The following MBTD1 variants were observed in gnomAD, a reference collection of about 807,000 sequenced individuals.
The protein encoded by MBTD1 is MBT domain-containing protein 1.
In MBTD1, 24 loss-of-function variants were observed where a neutral mutation model predicts 87.8. The observed-to-expected ratio is 0.27, with a 90% CI of 0.20 to 0.38. The LOEUF (loss-of-function observed/expected upper bound fraction) is 0.38. Among genes scored for constraint, MBTD1 ranks in the 10% least tolerant of loss-of-function variants. The pLI is 1.00. For missense variants in MBTD1, 436 were observed against 760.2 expected, an observed-to-expected ratio of 0.57 and a Z score of 5.02; for synonymous variants, 237 against 248.6, an observed-to-expected ratio of 0.95 and a Z score of 0.44.
intron 2 of MBTD1, chr17:51,251,860 G>C (rs1029212708): frequency 3.9e-5 from 6 of 152,278 alleles, no homozygotes; most frequent in African/African-American, 1.4e-4. Flanking sequence ...CTGCCTCCCA[G>C]GTTCAAGCGA....
chr17:51,250,208 G>A (rs1349204240), intron 2 of MBTD1: 1 of 151,746 alleles, frequency 6.6e-6, no homozygotes, highest in East Asian at 1.9e-4. Flanking sequence ...CATGGCCTTA[G>A]TTTTTCCTTT....
chr17:51,236,729 G>A (rs2053861129), intron 2 of MBTD1, among the ~76,000 whole-genome samples: 1 of 151,142 alleles, frequency 6.6e-6, no homozygotes. Context: ...AGATATATAC[G>A]GTCAATTGAT....
At chr17:51,222,515 C>T (rs967625305) in intron 3 of MBTD1, among the ~76,000 whole-genome samples, 3 of 152,128 alleles carry the variant, frequency 2.0e-5, no homozygotes, top group East Asian at 1.9e-4. Context: ...AGCAATTCTC[C>T]TGCCTCAGCC....
intron 16 of MBTD1, among the ~76,000 whole-genome samples, chr17:51,186,691 G>C (rs1019962985): frequency 2.0e-5 from 3 of 151,818 alleles, no homozygotes; most frequent in Non-Finnish European, 2.9e-5. Context: ...GGAGAATGGC[G>C]TGAACCTGGG....
Position 51,219,093 on chromosome 17 carries a change from C to T in MBTD1, c.289-49G>A, listed in dbSNP as rs975505471. 16 of 940,042 alleles carry T rather than the reference C, an allele frequency of 1.7e-5. No homozygotes were observed. In the African/African-American group the frequency reaches 2.6e-4, roughly 15 times the overall value. 58.2% of individuals were successfully genotyped at this position (940,042 alleles called of 1,614,324 possible). ...ATAGGATTCTTTTTCATCCCCTCACCACCACAATTTAACTGGACTGCATAC... is the reference window on the plus strand; with the variant it reads ...ATAGGATTCTTTTTCATCCCCTCACTACCACAATTTAACTGGACTGCATAC... On this transcript the variant is annotated intron_variant, in intron 4 of 16. Transcript: ENST00000586178.
intron 12 of MBTD1, among the ~76,000 whole-genome samples, chr17:51,199,580 T>A (rs1373837031): frequency 6.6e-6 from 1 of 151,704 alleles, no homozygotes; most frequent in Non-Finnish European, 1.5e-5. Flanking sequence ...TAGCTGGGAC[T>A]ACAGGCACCC....
intron 6 of MBTD1, among the ~76,000 whole-genome samples, chr17:51,215,109 G>T (rs1300589907): frequency 6.6e-6 from 1 of 152,186 alleles, no homozygotes; most frequent in African/African-American, 2.4e-5. Flanking sequence ...TGATAAGAAG[G>T]CAGTAAAGAG....
At chr17:51,182,525 A>C (rs1029390048) in intron 16 of MBTD1, among the ~76,000 whole-genome samples, 1 of 152,204 alleles carries the variant, frequency 6.6e-6, no homozygotes, top group African/African-American at 2.4e-5. Flanking sequence ...TGGAAACATA[A>C]GCGCAGCATC....
intron 2 of MBTD1, among the ~76,000 whole-genome samples, chr17:51,245,189 T>C (rs1474400334): frequency 6.6e-6 from 1 of 152,216 alleles, no homozygotes; most frequent in African/African-American, 2.4e-5. Flanking sequence ...CATGAGCCAC[T>C]GTGCCCGGCC....
intron 16 of MBTD1, among the ~76,000 whole-genome samples, chr17:51,181,369 T>C (rs2050306516): frequency 6.6e-6 from 1 of 152,070 alleles, no homozygotes; most frequent in South Asian, 2.1e-4. Context: ...GAAAAAGATA[T>C]AAATCTGATG....
At chr17:51,249,226 C>G (rs528986122) in intron 2 of MBTD1, among the ~76,000 whole-genome samples, 1 of 151,980 alleles carries the variant, frequency 6.6e-6, no homozygotes, top group Non-Finnish European at 1.5e-5. Context: ...TGCCACTGTA[C>G]TGCAGCCTGG....
At position 51,192,196 on chromosome 17, in the gene MBTD1, G is replaced by T; in HGVS notation, c.1768+7C>A. ...AAAATGTATGTGAACACCACGTGGT[G>T]ACCCACTTTTCTTATGTCCTTTGTA... On this transcript the variant is annotated splice_region_variant and intron_variant, in intron 16 of 16. Transcript: ENST00000586178. The T allele has an allele frequency of 1.9e-6, 3 of 1,545,192 alleles. No individual in the cohort carries two copies. Among genetic ancestry groups the T allele is most frequent in the South Asian group, 1.2e-5 (1 of 83,794 alleles).
chr17:51,237,277 T>C (rs989319581), intron 2 of MBTD1, among the ~76,000 whole-genome samples: 2 of 128,622 alleles, frequency 1.6e-5, no homozygotes, highest in Admixed American at 9.0e-5. Flanking sequence ...GCCTGGGTGA[T>C]GGTGTGAGAC....
intron 6 of MBTD1, among the ~76,000 whole-genome samples, chr17:51,208,776 T>C (rs1054336486): frequency 3.5e-4 from 53 of 152,360 alleles, no homozygotes; most frequent in African/African-American, 1.2e-3. Context: ...TTGAGCTAAA[T>C]GTGTCATAGA....
chr17:51,256,400 C>T (rs889311091), intron 2 of MBTD1: 17 of 152,194 alleles, frequency 1.1e-4, no homozygotes, highest in African/African-American at 3.6e-4. Context: ...AAAGTGAGAA[C>T]TCGAAGGGAC....
intron 2 of MBTD1, among the ~76,000 whole-genome samples, chr17:51,235,724 C>T (rs567135687): frequency 2.0e-5 from 3 of 152,136 alleles, no homozygotes; most frequent in Non-Finnish European, 4.4e-5. Context: ...ATTAAAATGT[C>T]AGTCCTTCCC....
chr17:51,209,125 T>C (rs1429707813), intron 6 of MBTD1, among the ~76,000 whole-genome samples: 2 of 152,234 alleles, frequency 1.3e-5, no homozygotes, highest in Admixed American at 6.5e-5. Flanking sequence ...GGTAATTTCA[T>C]AGATATGTCT....
chr17:51,212,353 G>A (rs958045606), intron 6 of MBTD1, among the ~76,000 whole-genome samples: 22 of 94,758 alleles, frequency 2.3e-4, no homozygotes, highest in African/African-American at 5.8e-4. Flanking sequence ...GTGAGACTCC[G>A]CCTCAAAAAA....
At chr17:51,259,489 T>C (rs909698552) in intron 1 of MBTD1, among the ~76,000 whole-genome samples, 4 of 151,988 alleles carry the variant, frequency 2.6e-5, no homozygotes. Flanking sequence ...TCTCCCACCC[T>C]GGGTGGCTAA....
Sources: gnomAD v4.1 joint callset for allele counts (sites outside exome capture counted in the v4.1 genomes callset) on GRCh38, gnomAD v4.1.1 for gene constraint, MANE v1.5 for transcripts, NCBI Gene and HGNC (gene_info 2026-07-23, HGNC 2026-07-21) for gene names.